Variants in MSRA observed in about 807,000 individuals in gnomAD.
MSRA encodes the protein methionine sulfoxide reductase A.
In MSRA, 54 loss-of-function variants were observed where a neutral mutation model predicts 31.3. The observed-to-expected ratio is 1.73, with a 90% CI of 1.39 to 2.17. MSRA has a LOEUF of 2.17. MSRA is among the 30% of genes most tolerant of loss of function. The probability of loss-of-function intolerance (pLI) is 0.00; values close to 1 mark genes in which losing one functional copy is unlikely to be tolerated. For synonymous variants in MSRA, 169 were observed against 116.5 expected (o/e 1.45, Z -2.90); for missense variants, 507 against 300.9 (o/e 1.69, Z -5.07).
chr8:10,355,069 T>C (rs989914483), intron 5 of MSRA, among the ~76,000 whole-genome samples: 1 of 152,186 alleles, frequency 6.6e-6, no homozygotes, highest in Non-Finnish European at 1.5e-5. Context: ...TTCACTGGCA[T>C]TTAGCATACT....
chr8:10,242,400 G>A (rs572540274), intron 2 of MSRA, among the ~76,000 whole-genome samples: 2 of 152,294 alleles, frequency 1.3e-5, no homozygotes, highest in African/African-American at 4.8e-5. Context: ...GTCAGATAAC[G>A]GTTGCTTTTT....
intron 5 of MSRA, among the ~76,000 whole-genome samples, chr8:10,414,191 T>C (rs2129190553): frequency 6.6e-6 from 1 of 152,130 alleles, no homozygotes; most frequent in East Asian, 1.9e-4. Context: ...ACGAATTTTA[T>C]GTGAACTACC....
intron 5 of MSRA, among the ~76,000 whole-genome samples, chr8:10,356,833 C>T (rs904845502): frequency 1.3e-5 from 2 of 150,606 alleles, no homozygotes; most frequent in East Asian, 1.9e-4. Flanking sequence ...TACGGCAGCC[C>T]GAACAGATCA....
intron 1 of MSRA, among the ~76,000 whole-genome samples, chr8:10,177,243 G>T (rs1806134422): frequency 6.6e-6 from 1 of 152,192 alleles, no homozygotes; most frequent in Non-Finnish European, 1.5e-5. Context: ...CAGACAGGTG[G>T]TGCTGATTCA....
chr8:10,352,476 C>G (rs1407099468), intron 5 of MSRA, among the ~76,000 whole-genome samples: 1 of 151,992 alleles, frequency 6.6e-6, no homozygotes, highest in Non-Finnish European at 1.5e-5. Context: ...AGCCATCGTC[C>G]CTGTGCAGCA....
intron 3 of MSRA, among the ~76,000 whole-genome samples, chr8:10,253,294 A>G (rs117329957): frequency 6.6e-6 from 1 of 152,204 alleles, no homozygotes; most frequent in Non-Finnish European, 1.5e-5. Context: ...AGACTATTGC[A>G]TGTGCTACGT....
intron 4 of MSRA, among the ~76,000 whole-genome samples, chr8:10,310,627 A>T (rs1801383916): frequency 6.6e-6 from 1 of 152,218 alleles, no homozygotes; most frequent in Non-Finnish European, 1.5e-5. Context: ...TTTGCTCCTT[A>T]AAGCAACCTA....
intron 5 of MSRA, among the ~76,000 whole-genome samples, chr8:10,402,417 A>G (rs1002056368): frequency 1.3e-5 from 2 of 152,202 alleles, no homozygotes; most frequent in Non-Finnish European, 2.9e-5. Flanking sequence ...CTGGCCTGGA[A>G]GTCTTTCCTC....
intron 1 of MSRA, among the ~76,000 whole-genome samples, chr8:10,140,330 G>A (rs929546928): frequency 1.3e-5 from 2 of 152,190 alleles, no homozygotes; most frequent in Admixed American, 6.5e-5. Flanking sequence ...GCATAGAGTA[G>A]CCTTCCTGCT....
intron 1 of MSRA, among the ~76,000 whole-genome samples, chr8:10,181,862 T>A (rs1347797567): frequency 6.6e-6 from 1 of 152,236 alleles, no homozygotes; most frequent in Non-Finnish European, 1.5e-5. Flanking sequence ...TGTACCTGCA[T>A]GGGAAAAGCC....
chr8:10,078,758 G>C (rs1295674978), intron 1 of MSRA, among the ~76,000 whole-genome samples: 3 of 152,174 alleles, frequency 2.0e-5, no homozygotes, highest in Non-Finnish European at 4.4e-5. Flanking sequence ...CGTTTCCTTG[G>C]ATTCTTTGAC....
chr8:10,401,622 T>C (rs1807470012), intron 5 of MSRA, among the ~76,000 whole-genome samples: 1 of 152,120 alleles, frequency 6.6e-6, no homozygotes, highest in Non-Finnish European at 1.5e-5. Flanking sequence ...TTCTTAGCAG[T>C]ATTATTTACA....
intron 1 of MSRA, among the ~76,000 whole-genome samples, chr8:10,116,337 C>T (rs956873430): frequency 2.6e-5 from 4 of 152,196 alleles, no homozygotes; most frequent in African/African-American, 2.4e-5. Context: ...CAATATGGCG[C>T]AGAGAAGCCC....
intron 2 of MSRA, among the ~76,000 whole-genome samples, chr8:10,215,157 C>G (rs1809875570): frequency 6.6e-6 from 1 of 152,180 alleles, no homozygotes; most frequent in African/African-American, 2.4e-5. Flanking sequence ...ATAGAGATCA[C>G]TTATCCATGA....
At chr8:10,211,055 G>T (rs1263412246) in intron 2 of MSRA, among the ~76,000 whole-genome samples, 5 of 152,064 alleles carry the variant, frequency 3.3e-5, no homozygotes, top group African/African-American at 1.2e-4. Context: ...TTATCTGTTG[G>T]TTAATCATTT....
At chr8:10,230,486 G>A in intron 2 of MSRA, among the ~76,000 whole-genome samples, 1 of 152,034 alleles carries the variant, frequency 6.6e-6, no homozygotes. Flanking sequence ...CTCATTTTGT[G>A]GGTTATAAAA....
chr8:10,256,952 C>G lies in MSRA; in HGVS notation c.331+11729C>G, dbSNP rs114131259. 5.0e-3 allele frequency among the ~76,000 whole-genome samples: 767 copies of G among 152,254 alleles called. 6 individuals carry two copies. The highest frequency in any genetic ancestry group is 0.017 in the African/African-American group (710 of 41,546). The stretch of plus-strand genomic sequence containing the variant: ...CAGAGGTCTGTAGTTTGTTTATCTT[C>G]TAGGCTTTTTATACATTTCTTTCCT... On this transcript the variant is annotated intron_variant, in intron 3 of 5. Transcript: ENST00000317173.
At chr8:10,173,867 G>A (rs916895141) in intron 1 of MSRA, among the ~76,000 whole-genome samples, 1 of 152,174 alleles carries the variant, frequency 6.6e-6, no homozygotes, top group Non-Finnish European at 1.5e-5. Context: ...TTTGTCTGCT[G>A]CATAAAGACA....
intron 1 of MSRA, among the ~76,000 whole-genome samples, chr8:10,126,000 C>G (rs548557712): frequency 2.0e-5 from 3 of 152,206 alleles, no homozygotes; most frequent in Non-Finnish European, 4.4e-5. Context: ...TCCTACAGAA[C>G]TCAGCCAACT....
Sources: allele counts gnomAD v4.1 joint callset (sites outside exome capture counted in the v4.1 genomes callset), GRCh38; gene constraint gnomAD v4.1.1; transcripts MANE v1.5; gene names NCBI Gene and HGNC (gene_info 2026-07-23, HGNC 2026-07-21).